The following ZNF517 variants were observed in gnomAD, a reference collection of about 807,000 sequenced individuals.
The protein encoded by ZNF517 is zinc finger protein 517.
A neutral mutation model predicts 12.1 loss-of-function variants in ZNF517; 12 were observed. The observed-to-expected ratio is 0.99, with a 90% CI of 0.63 to 1.61. The LOEUF (loss-of-function observed/expected upper bound fraction) is 1.61, where lower values mean the gene tolerates loss of function less well. ZNF517 is among the 40% of genes most tolerant of loss of function. The probability of loss-of-function intolerance (pLI) is 0.00; values close to 1 mark genes in which losing one functional copy is unlikely to be tolerated. For missense variants in ZNF517, 781 were observed against 693.2 expected, an observed-to-expected ratio of 1.13 and a Z score of -1.42; for synonymous variants, 388 against 310.2, an observed-to-expected ratio of 1.25 and a Z score of -2.63.
chr8:144,800,560 C>G, intron 1 of ZNF517: 2 of 985,332 alleles, frequency 2.0e-6, no homozygotes, highest in South Asian at 9.4e-5. Context: ...ACTCTGGTTG[C>G]CTTGTTGGGG....
intron 4 of ZNF517, among the ~76,000 whole-genome samples, chr8:144,806,495 T>C (rs1321602845): frequency 6.7e-6 from 1 of 149,718 alleles, no homozygotes; most frequent in Non-Finnish European, 1.5e-5. Context: ...TTTTTATTAT[T>C]TTTTTGAGAC....
At chr8:144,804,306 C>T (rs1827118814) in intron 4 of ZNF517, 68 bp downstream of exon 4, 21 of 1,204,848 alleles carry the variant, frequency 1.7e-5, no homozygotes, top group Non-Finnish European at 2.5e-5. Context: ...GGCAGCTCTG[C>T]AGGTCCCTTC....
downstream of ZNF517, chr8:144,810,362 C>G (rs188996203): frequency 1.0e-4 from 51 of 489,670 alleles, no homozygotes; most frequent in African/African-American, 9.0e-4. Flanking sequence ...CCCACTGCTC[C>G]CCGGGCTGTG....
chr8:144,801,309 T>C (rs1207836271), intron 1 of ZNF517, among the ~76,000 whole-genome samples: 3 of 151,986 alleles, frequency 2.0e-5, no homozygotes, highest in Non-Finnish European at 4.4e-5. Flanking sequence ...ATGCCTACTC[T>C]GTATACGTCT....
In ZNF517 at chr8:144,808,445, GC is replaced by G; in HGVS notation, c.*51del. On this transcript the variant is annotated 3_prime_UTR_variant, in exon 5 of 5. Transcript: ENST00000359971. ...TCACGCTGGAAGCCCACCCAAGCCG[GC>G]GGGGCCCTAGCGCAGAAATTCAGAA... is the stretch of plus-strand genomic sequence containing the variant. The G allele has an allele frequency of 9.1e-6, 13 of 1,434,062 alleles. No homozygotes were observed. The highest frequency in any genetic ancestry group is 1.2e-5 in the Non-Finnish European group (13 of 1,094,112). The allele number at this position is 1,434,062 out of a possible 1,614,324, so 88.8% of individuals were successfully genotyped here.
At chr8:144,804,425 C>T (rs929166421) in intron 4 of ZNF517, among the ~76,000 whole-genome samples, 187 bp downstream of exon 4, 1 of 152,128 alleles carries the variant, frequency 6.6e-6, no homozygotes, top group Non-Finnish European at 1.5e-5. Context: ...CAGGAAGACC[C>T]AAGTGCGAGA....
chr8:144,809,757 A>C lies in ZNF517; in HGVS notation c.*1362A>C, dbSNP rs562978106. The C allele has an allele frequency of 1.2e-4, 20 of 160,110 alleles. No individual in the cohort carries two copies. In the South Asian group the frequency reaches 1.8e-3, roughly 14 times the overall value. 9.9% of individuals were successfully genotyped at this position (160,110 alleles called of 1,614,324 possible). A position where few individuals can be genotyped will look rare whatever the true frequency, so the allele number is the denominator to read the frequency against. The stretch of plus-strand genomic sequence containing the variant: ...AGTGTGTGGGCCAGTTCGCCTAATA[A>C]ATCCCCTCTCCTGGCCGGGCGCGGT... On this transcript the variant is annotated 3_prime_UTR_variant, in exon 5 of 5. Coordinates refer to ENST00000359971, the MANE Select transcript of ZNF517 (RefSeq NM_213605.3).
rs764235696 is a variant in ZNF517, at chr8:144,808,307, T to C, written c.1391T>C (p.Leu464Pro). ...CRACGRACSRLSTLIQHQKVH... is the reference protein window; with the variant it reads ...CRACGRACSRPSTLIQHQKVH... ...GCCTGCGGGAGGGCCTGCAGCCGGC[T>C]GTCCACCCTCATCCAGCACCAGAAG... The change falls in exon 5 of 5, where the codon CTG becomes CCG. Residue 464 changes from leucine (L) to proline (P), a missense_variant. By Grantham distance (98) the Leu-to-Pro change is moderately conservative. Transcript: ENST00000359971. 7.2e-6 allele frequency: 11 copies of C among 1,533,328 alleles called. No homozygotes were observed. In the African/African-American group the frequency reaches 8.2e-5, roughly 11 times the overall value. The allele number at this position is 1,533,328 out of a possible 1,614,324, so 95.0% of individuals were successfully genotyped here.
chr8:144,807,368 C>T lies in ZNF517; in HGVS notation c.452C>T (p.Pro151Leu), dbSNP rs778826784. 9 of 1,555,264 alleles carry T rather than the reference C, an allele frequency of 5.8e-6. No homozygotes were observed. In the Admixed American group the frequency reaches 1.2e-4, roughly 20 times the overall value. The change falls in exon 5 of 5, where the codon CCC becomes CTC. Residue 151 changes from proline (P) to leucine (L), a missense_variant. By Grantham distance (98) the Pro-to-Leu change is moderately conservative. Transcript: ENST00000359971. ...GACGGGTCAGATAAACCCACCCACC[C>T]CCGGGCTCGGGAGCACAGCGCCTCC... The part of the protein sequence containing the change: ...PEDGSDKPTH[P>L]RAREHSASPR...
In ZNF517 at chr8:144,809,144, T is replaced by TA. The variant is rs369050439; in HGVS notation, c.*760dup. 0.017 allele frequency: 2,450 copies of TA among 145,740 alleles called. 56 individuals carry two copies. Among genetic ancestry groups the TA allele is most frequent in the African/African-American group, 0.055 (2,184 of 39,694 alleles). The allele number at this position is 145,740 out of a possible 1,614,324, so 9.0% of individuals were successfully genotyped here. On this transcript the variant is annotated 3_prime_UTR_variant, in exon 5 of 5. Transcript: ENST00000359971. The stretch of plus-strand genomic sequence containing the variant: ...CTGGTTGACAGAGTGACACCCTGTT[T>TA]AAAAAAAAAAAGCCTAGATGGCTGG...
rs1458069501 is a variant in ZNF517, at chr8:144,807,971, G to A, written c.1055G>A (p.Gly352Asp). ...EGAQDGGVGQ[G>D]ALLGAAQRPQ... Reference sequence around the variant, plus strand: ...GCCCAGGACGGCGGCGTGGGGCAGGGCGCCCTGCTCGGAGCTGCGCAGAGG... The same window carrying A: ...GCCCAGGACGGCGGCGTGGGGCAGGACGCCCTGCTCGGAGCTGCGCAGAGG... The change falls in exon 5 of 5, where the codon GGC becomes GAC. Residue 352 changes from glycine to aspartate, a missense_variant. By Grantham distance (94) the Gly-to-Asp change is moderately conservative. Coordinates refer to ENST00000359971, the MANE Select transcript of ZNF517 (RefSeq NM_213605.3). The A allele has an allele frequency of 1.3e-6, 2 of 1,513,926 alleles. No individual in the cohort carries two copies. The highest frequency in any genetic ancestry group is 8.8e-7 in the Non-Finnish European group (1 of 1,132,958). The allele number at this position is 1,513,926 out of a possible 1,614,324, so 93.8% of individuals were successfully genotyped here. A position where few individuals can be genotyped will look rare whatever the true frequency, so the allele number is the denominator to read the frequency against.
At chr8:144,811,952 G>A (rs2955213), downstream of ZNF517, among the ~76,000 whole-genome samples, 3 of 87,502 alleles carry the variant, frequency 3.4e-5, no homozygotes, top group Non-Finnish European at 6.5e-5. Flanking sequence ...GGAGAGACAC[G>A]GACAGTAAAG....
chr8:144,799,600 A>G (rs1384020799), intron 1 of ZNF517, among the ~76,000 whole-genome samples: 1 of 152,110 alleles, frequency 6.6e-6, no homozygotes, highest in African/African-American at 2.4e-5. Context: ...AAATTGTGAG[A>G]GTTAGGGGGT....
chr8:144,810,125 C>A, downstream of ZNF517: 1 of 688,938 alleles, frequency 1.5e-6, no homozygotes, highest in Non-Finnish European at 2.7e-6. Context: ...ATACACTGCC[C>A]AGCAGAAGCC....
At position 144,809,118 on chromosome 8, in the gene ZNF517, C is replaced by A. The variant is rs1209979906; in HGVS notation, c.*723C>A. 1 of 152,000 alleles carries A rather than the reference C, an allele frequency of 6.6e-6. No homozygotes were observed. The highest frequency in any genetic ancestry group is 1.5e-5 in the Non-Finnish European group (1 of 68,026). 9.4% of individuals were successfully genotyped at this position (152,000 alleles called of 1,614,324 possible). A position where few individuals can be genotyped will look rare whatever the true frequency, so the allele number is the denominator to read the frequency against. ...CTATGATAGCACCACGGCACTCCAA[C>A]CTGGTTGACAGAGTGACACCCTGTT... On this transcript the variant is annotated 3_prime_UTR_variant, in exon 5 of 5. Coordinates refer to ENST00000359971, the MANE Select transcript of ZNF517 (RefSeq NM_213605.3).
At chr8:144,803,860 C>T (rs1026076596) in intron 3 of ZNF517, 93 bp downstream of exon 3, 1 of 1,517,268 alleles carries the variant, frequency 6.6e-7, no homozygotes, top group South Asian at 1.3e-5. Context: ...AGGTCTGACA[C>T]ATTTTTGAGG....
Position 144,807,703 on chromosome 8 carries a change from T to G in ZNF517, c.787T>G (p.Cys263Gly), listed in dbSNP as rs1227124948. The change falls in exon 5 of 5, where the codon TGC becomes GGC. Residue 263 changes from cysteine to glycine, a missense_variant. Transcript: ENST00000359971. ...CCACACCCGCGAGCGGCCCTACGCA[T>G]GCGGCGAGTGCGGCAAGGCCTTCAG... ...RVHTRERPYACGECGKAFSRS... is the reference protein window; with the variant it reads ...RVHTRERPYAGGECGKAFSRS... 6.2e-7 allele frequency: 1 copy of G among 1,610,884 alleles called. No homozygotes were observed. Among genetic ancestry groups the G allele is most frequent in the East Asian group, 2.2e-5 (1 of 44,816 alleles).
At chr8:144,804,350 C>A in intron 4 of ZNF517, 112 bp downstream of exon 4, 2 of 692,094 alleles carry the variant, frequency 2.9e-6, no homozygotes, top group South Asian at 2.3e-5. Flanking sequence ...TTTAGCTCCT[C>A]ACAGCAGGGC....
intron 4 of ZNF517, 94 bp from the exon 5 acceptor site, chr8:144,807,097 G>A: frequency 6.8e-7 from 1 of 1,461,694 alleles, no homozygotes; most frequent in Non-Finnish European, 9.1e-7. Flanking sequence ...GTTGGGGGAA[G>A]ACTTGGGAAT....
Sources: allele counts gnomAD v4.1 joint callset (sites outside exome capture counted in the v4.1 genomes callset), GRCh38; gene constraint gnomAD v4.1.1; transcripts MANE v1.5; gene names NCBI Gene and HGNC (gene_info 2026-07-23, HGNC 2026-07-21).